ERMP1: variants seen among roughly 807,000 people sequenced by gnomAD.
ERMP1 encodes the protein Felix-ina.
Under a neutral mutation model 92.0 loss-of-function variants are expected in ERMP1, and 86 were observed. The observed-to-expected ratio is 0.93, with a 90% CI of 0.79 to 1.12. ERMP1 has a LOEUF of 1.12. ERMP1 is among the 50% of genes most tolerant of loss of function. The pLI, the probability that ERMP1 is intolerant of heterozygous loss-of-function variation, is 0.00. For missense variants in ERMP1, 1,342 were observed against 1,116.3 expected, an observed-to-expected ratio of 1.20 and a Z score of -2.88; for synonymous variants, 530 against 412.8, an observed-to-expected ratio of 1.28 and a Z score of -3.44.
intron 6 of ERMP1, among the ~76,000 whole-genome samples, chr9:5,848,042 A>G (rs1361650024): frequency 6.6e-6 from 1 of 152,190 alleles, no homozygotes; most frequent in East Asian, 1.9e-4. Flanking sequence ...TGAAGGTCAT[A>G]CAGACACTAA....
intron 6 of ERMP1, among the ~76,000 whole-genome samples, chr9:5,849,912 T>A (rs1830285083): frequency 6.6e-6 from 1 of 152,192 alleles, no homozygotes; most frequent in African/African-American, 2.4e-5. Flanking sequence ...ACACATGCCT[T>A]ATTGCTCTTA....
intron 10 of ERMP1, among the ~76,000 whole-genome samples, chr9:5,804,249 C>T (rs569888482): frequency 6.6e-6 from 1 of 152,218 alleles, no homozygotes; most frequent in East Asian, 1.9e-4. Flanking sequence ...CAAAAGAGAC[C>T]TGCATTCTCT....
upstream of ERMP1, among the ~76,000 whole-genome samples, chr9:5,834,697 GTA>G (rs1173369504): frequency 2.0e-4 from 28 of 136,620 alleles, no homozygotes; most frequent in African/African-American, 7.7e-4. Flanking sequence ...CTATATGTAT[GTA>G]TATATGTGTG....
chr9:5,832,894 C>A lies in ERMP1; in HGVS notation c.134G>T (p.Gly45Val). 1 of 1,552,636 alleles carries A rather than the reference C, an allele frequency of 6.4e-7. No individual in the cohort carries two copies. Among genetic ancestry groups the A allele is most frequent in the Non-Finnish European group, 8.6e-7 (1 of 1,159,786 alleles). ...GCTCCTCTTCCGCGTCCTCCCGCCG[C>A]CGCTGCACCCATCCACCAGAGGCTC... ...AQEPLVDGCS[G>V]GGRTRKRSPG... is the part of the protein sequence containing the mutation. The change falls in exon 1 of 15, where the codon GGC (glycine) becomes GTC (valine). Residue 45 changes from glycine (G) to valine (V), a missense_variant. By Grantham distance (109) the Gly-to-Val change is moderately radical (BLOSUM62 -3). Transcript: ENST00000339450.
chr9:5,808,044 C>CA (rs1286524659), intron 8 of ERMP1, among the ~76,000 whole-genome samples: 1 of 152,104 alleles, frequency 6.6e-6, no homozygotes, highest in Non-Finnish European at 1.5e-5. Context: ...AGGCTGGTCT[C>CA]AAACTCCTGG....
chr9:5,832,493 A>G, intron 1 of ERMP1, 197 bp downstream of exon 1: 1 of 479,426 alleles, frequency 2.1e-6, no homozygotes, highest in Non-Finnish European at 3.6e-6. Context: ...AACCGGGGAC[A>G]GGCAAGCCCC....
chr9:5,788,208 A>G (rs1049019342), intron 13 of ERMP1, among the ~76,000 whole-genome samples: 1 of 152,170 alleles, frequency 6.6e-6, no homozygotes, highest in Non-Finnish European at 1.5e-5. Context: ...AATAACCGTA[A>G]ATTTTTAAAT....
chr9:5,847,606 A>G (rs1208917671), intron 6 of ERMP1, among the ~76,000 whole-genome samples: 1 of 151,490 alleles, frequency 6.6e-6, no homozygotes, highest in East Asian at 2.0e-4. Context: ...ACAAAACAAA[A>G]CAAAATCGGC....
At chr9:5,857,095 A>AT (rs1563784482) in intron 6 of ERMP1, among the ~76,000 whole-genome samples, 2 of 152,086 alleles carry the variant, frequency 1.3e-5, no homozygotes, top group Admixed American at 6.6e-5. Context: ...ATTATAGCTC[A>AT]TTGCAGCCTT....
intron 4 of ERMP1, among the ~76,000 whole-genome samples, chr9:5,823,253 G>A (rs751717745): frequency 1.3e-5 from 2 of 151,910 alleles, no homozygotes; most frequent in Admixed American, 6.6e-5. Flanking sequence ...CTCGAGCCTG[G>A]GTGACAGAGC....
intron 10 of ERMP1, among the ~76,000 whole-genome samples, chr9:5,803,135 G>A (rs956715121): frequency 6.6e-6 from 1 of 152,128 alleles, no homozygotes; most frequent in African/African-American, 2.4e-5. Flanking sequence ...GGACTGAAGG[G>A]AAAGCTGTCT....
At chr9:5,833,959 G>GT (rs879492759), upstream of ERMP1, among the ~76,000 whole-genome samples, 39 of 152,264 alleles carry the variant, frequency 2.6e-4, no homozygotes, top group Non-Finnish European at 4.1e-4. Flanking sequence ...CTGCTCCAAG[G>GT]TTTTTTGTCC....
intron 2 of ERMP1, among the ~76,000 whole-genome samples, chr9:5,826,483 A>C (rs1331627003): frequency 2.0e-5 from 3 of 152,200 alleles, no homozygotes; most frequent in Non-Finnish European, 4.4e-5. Flanking sequence ...GTAGGTATTC[A>C]ATGTTCATTT....
At chr9:5,835,952 A>C (rs780546716), upstream of ERMP1, among the ~76,000 whole-genome samples, 19 of 152,234 alleles carry the variant, frequency 1.2e-4, no homozygotes, top group Admixed American at 6.5e-5. Context: ...ATCCCTGATA[A>C]GGATGAGGAA....
chr9:5,844,872 A>G (rs963734866), intron 6 of ERMP1, among the ~76,000 whole-genome samples: 1 of 152,188 alleles, frequency 6.6e-6, no homozygotes, highest in Non-Finnish European at 1.5e-5. Context: ...AAAGTCAACA[A>G]ATACCACATT....
chr9:5,827,552 T>A (rs1284092357), intron 2 of ERMP1, among the ~76,000 whole-genome samples: 1 of 152,162 alleles, frequency 6.6e-6, no homozygotes, highest in Non-Finnish European at 1.5e-5. Flanking sequence ...GGTATTCCTA[T>A]AAAATTTTAG....
upstream of ERMP1, chr9:5,833,200 T>A (rs1830030528): frequency 1.7e-6 from 1 of 591,512 alleles, no homozygotes; most frequent in African/African-American, 2.0e-5. Flanking sequence ...TCTTTGGCAG[T>A]TCTCGGGTGC....
chr9:5,825,392 T>C (rs1488504297), intron 2 of ERMP1, among the ~76,000 whole-genome samples, 173 bp from the exon 3 acceptor site: 1 of 152,200 alleles, frequency 6.6e-6, no homozygotes, highest in African/African-American at 2.4e-5. Context: ...GTAAGTTCCA[T>C]GAAGGGATCT....
chr9:5,784,670 A>G lies in ERMP1; in HGVS notation c.*2474T>C, dbSNP rs1827863616. The G allele has an allele frequency of 6.5e-6, 1 of 152,674 alleles. No individual in the cohort carries two copies. Among genetic ancestry groups the G allele is most frequent in the Non-Finnish European group, 1.5e-5 (1 of 68,052 alleles). 9.5% of individuals were successfully genotyped at this position (152,674 alleles called of 1,614,324 possible). A position where few individuals can be genotyped will look rare whatever the true frequency, so the allele number is the denominator to read the frequency against. On this transcript the variant is annotated 3_prime_UTR_variant, in exon 15 of 15. Transcript: ENST00000339450. ...AGAAATTGACAAACACTCCTTCTAC[A>G]GCTTCCTGAGACAGCAGGCTGGCTT...
Sources: gnomAD v4.1 joint callset for allele counts (sites outside exome capture counted in the v4.1 genomes callset) on GRCh38, gnomAD v4.1.1 for gene constraint, MANE v1.5 for transcripts, NCBI Gene and HGNC (gene_info 2026-07-23, HGNC 2026-07-21) for gene names.